Variants in FAM91A1 observed in about 807,000 individuals in gnomAD.
FAM91A1 encodes the protein protein FAM91A1.
Under a neutral mutation model 113.5 loss-of-function variants are expected in FAM91A1, and 41 were observed. The ratio of observed to expected loss-of-function variants is 0.36; its 90% CI spans 0.28 to 0.47. The LOEUF (loss-of-function observed/expected upper bound fraction) is 0.47, where lower values mean the gene tolerates loss of function less well. Ranked by LOEUF, FAM91A1 falls within the 20% of genes least tolerant of loss-of-function variation. The pLI is 1.00. For missense variants in FAM91A1, 696 were observed against 1,001.2 expected, an observed-to-expected ratio of 0.70 and a Z score of 4.11; for synonymous variants, 307 against 347.9, an observed-to-expected ratio of 0.88 and a Z score of 1.31.
rs1228886722 is a variant in FAM91A1, at chr8:123,789,746, G to A, written c.1411+1G>A. On this transcript the variant is annotated splice_donor_variant, in intron 15 of 23. Transcript: ENST00000334705. LOFTEE classifies it high-confidence loss of function. ...GCACAGCCAGACCAACCCAATTATGGTATGATAAATATATTTAATTTTGAA... is the reference window on the plus strand; with the variant it reads ...GCACAGCCAGACCAACCCAATTATGATATGATAAATATATTTAATTTTGAA... 6.2e-7 allele frequency: 1 copy of A among 1,609,662 alleles called. No homozygotes were observed. Among genetic ancestry groups the A allele is most frequent in the Non-Finnish European group, 8.5e-7 (1 of 1,178,022 alleles).
chr8:123,812,490 A>G (rs1225294651), intron 23 of FAM91A1, 29 bp from the exon 24 acceptor site: 1 of 1,543,748 alleles, frequency 6.5e-7, no homozygotes, highest in African/African-American at 1.4e-5. Flanking sequence ...AGTGTTGAAT[A>G]TCATTTCTCT....
At position 123,768,486 on chromosome 8, in the gene FAM91A1, C is replaced by G. The variant is rs572105230; in HGVS notation, c.-217C>G. 22 of 479,200 alleles carry G rather than the reference C, an allele frequency of 4.6e-5. No individual in the cohort carries two copies. The highest frequency in any genetic ancestry group is 8.2e-5 in the African/African-American group (4 of 48,540). 29.7% of individuals were successfully genotyped at this position (479,200 alleles called of 1,614,324 possible). A position where few individuals can be genotyped will look rare whatever the true frequency, so the allele number is the denominator to read the frequency against. On this transcript the variant is annotated 5_prime_UTR_variant, in exon 1 of 24. Transcript: ENST00000334705. Reference sequence around the variant, plus strand: ...AACTAGGAAGAAACTTGGAGCTGTTCAGGCGATCCAGCCTCCAATCGCTGC... The same window carrying G: ...AACTAGGAAGAAACTTGGAGCTGTTGAGGCGATCCAGCCTCCAATCGCTGC...
At chr8:123,804,490 T>TA (rs57808944) in intron 18 of FAM91A1, among the ~76,000 whole-genome samples, 3 of 73,858 alleles carry the variant, frequency 4.1e-5, no homozygotes, top group Non-Finnish European at 7.5e-5. Context: ...GACTCTGTTT[T>TA]AAAAAAAAAA....
intron 14 of FAM91A1, 136 bp from the exon 15 acceptor site, chr8:123,789,477 C>G (rs1446292884): frequency 8.1e-7 from 1 of 1,227,450 alleles, no homozygotes; most frequent in Non-Finnish European, 1.1e-6. Context: ...AGGTTAATAA[C>G]TTGTTTCGGT....
intron 5 of FAM91A1, 113 bp from the exon 6 acceptor site, chr8:123,778,546 G>T: frequency 1.5e-6 from 1 of 683,990 alleles, no homozygotes; most frequent in Non-Finnish European, 2.5e-6. Context: ...AAAACATGAA[G>T]ATTTTAAGAA....
intron 5 of FAM91A1, 54 bp from the exon 6 acceptor site, chr8:123,778,605 A>G: frequency 1.7e-6 from 2 of 1,210,372 alleles, no homozygotes; most frequent in Non-Finnish European, 2.4e-6. Flanking sequence ...GATTGATGAA[A>G]GAAGAAAGTG....
chr8:123,773,840 C>T (rs1241643721), intron 1 of FAM91A1, among the ~76,000 whole-genome samples: 13 of 152,200 alleles, frequency 8.5e-5, no homozygotes, highest in South Asian at 4.1e-4. Flanking sequence ...TTAAATACTT[C>T]GGATAATTTT....
Position 123,808,313 on chromosome 8 carries a change from A to G in FAM91A1, c.2074A>G (p.Thr692Ala), listed in dbSNP as rs370625215. ...LASGSDVNGS[T>A]ESFEMVIEEA... ...TTCTGGCTCAGATGTAAATGGGAGT[A>G]CAGAGTCATTTGAAATGGTCATTGA... Residue 692 changes from threonine to alanine, a missense_variant, in exon 21 of 24, where the codon ACA becomes GCA. Coordinates refer to ENST00000334705, the MANE Select transcript of FAM91A1 (RefSeq NM_144963.4). 1.9e-6 allele frequency: 3 copies of G among 1,613,496 alleles called. No individual in the cohort carries two copies. Among genetic ancestry groups the G allele is most frequent in the Non-Finnish European group, 1.7e-6 (2 of 1,179,690 alleles).
chr8:123,812,723 T>C lies in FAM91A1; in HGVS notation c.*19T>C, dbSNP rs377126780. The C allele has an allele frequency of 3.9e-5, 60 of 1,523,172 alleles. No homozygotes were observed. The highest frequency in any genetic ancestry group is 3.9e-5 in the Non-Finnish European group (44 of 1,139,406). 94.4% of individuals were successfully genotyped at this position (1,523,172 alleles called of 1,614,324 possible). The stretch of plus-strand genomic sequence containing the variant: ...GCAATAATTTGGTTACACCATTTGT[T>C]GCTCACACTTTCTGCCTTTTTTCTT... On this transcript the variant is annotated 3_prime_UTR_variant, in exon 24 of 24. Transcript: ENST00000334705.
Position 123,809,499 on chromosome 8 carries a change from A to G in FAM91A1, c.2261+483A>G, listed in dbSNP as rs900184023. On this transcript the variant is annotated intron_variant, in intron 22 of 23. Coordinates refer to ENST00000334705, the MANE Select transcript of FAM91A1 (RefSeq NM_144963.4). ...ATATGTATTACTCCTTAAAGATGACATGTAGGTTTTATCTTATATACCAGC... is the reference window on the plus strand; with the variant it reads ...ATATGTATTACTCCTTAAAGATGACGTGTAGGTTTTATCTTATATACCAGC... Among the ~76,000 whole-genome samples the G allele has an allele frequency of 6.6e-5, 10 of 152,202 alleles. No individual in the cohort carries two copies. In the East Asian group the frequency reaches 1.9e-3, roughly 29 times the overall value.
Position 123,789,814 on chromosome 8 carries a change from C to T in FAM91A1, c.1411+69C>T, listed in dbSNP as rs192545632. ...CTTTTTTCTAAGAAATTAAACAGAT[C>T]ATGCTCACTTATATAATCATCACTT... On this transcript the variant is annotated intron_variant, in intron 15 of 23. Coordinates refer to ENST00000334705, the MANE Select transcript of FAM91A1 (RefSeq NM_144963.4). The T allele has an allele frequency of 4.9e-5, 75 of 1,538,070 alleles. No homozygotes were observed. In the African/African-American group the frequency reaches 9.4e-4, roughly 19 times the overall value.
chr8:123,784,754 G>C, intron 9 of FAM91A1, 178 bp downstream of exon 9: 1 of 439,564 alleles, frequency 2.3e-6, no homozygotes, highest in Admixed American at 4.3e-5. Flanking sequence ...TAAAATTTAA[G>C]TTAATAATTT....
intron 2 of FAM91A1, among the ~76,000 whole-genome samples, chr8:123,774,369 G>T (rs1814929035): frequency 6.6e-6 from 1 of 152,018 alleles, no homozygotes; most frequent in Non-Finnish European, 1.5e-5. Context: ...ATTATTTTTA[G>T]AGTACTGTTT....
chr8:123,790,754 A>C lies in FAM91A1; in HGVS notation c.1411+1009A>C, dbSNP rs142177203. ...AGTTTACTTGAGTGAGGCTAGACTC[A>C]CTTGGTATCAAGTGATTCACTTCTG... On this transcript the variant is annotated intron_variant, in intron 15 of 23. Coordinates refer to ENST00000334705, the MANE Select transcript of FAM91A1 (RefSeq NM_144963.4). Among the ~76,000 whole-genome samples, 236 of 152,334 alleles carry C rather than the reference A, an allele frequency of 1.5e-3. 1 individual carries two copies. The highest frequency in any genetic ancestry group is 4.3e-3 in the African/African-American group (179 of 41,574).
Position 123,768,526 on chromosome 8 carries a change from G to A in FAM91A1, c.-177G>A, listed in dbSNP as rs1814758552. On this transcript the variant is annotated 5_prime_UTR_variant, in exon 1 of 24. Transcript: ENST00000334705. The stretch of plus-strand genomic sequence containing the variant: ...CCAATCGCTGCTGCTCTTGTACTCG[G>A]TTGGCCCGGGCGGCGCTGAACTGTC... 5.6e-6 allele frequency: 3 copies of A among 534,522 alleles called. No homozygotes were observed. The highest frequency in any genetic ancestry group is 3.9e-5 in the Admixed American group (1 of 25,884). The allele number at this position is 534,522 out of a possible 1,614,324, so 33.1% of individuals were successfully genotyped here.
intron 19 of FAM91A1, among the ~76,000 whole-genome samples, 180 bp downstream of exon 19, chr8:123,805,519 A>G (rs780645938): frequency 6.6e-5 from 10 of 152,174 alleles, no homozygotes; most frequent in Non-Finnish European, 1.5e-4. Flanking sequence ...TCCACAAAGA[A>G]CTGTTAGAAT....
At chr8:123,785,147 G>A (rs753513987) in intron 10 of FAM91A1, 28 bp downstream of exon 10, 2 of 1,555,808 alleles carry the variant, frequency 1.3e-6, no homozygotes, top group Middle Eastern at 1.7e-4. Context: ...TCATTTACTG[G>A]TGATGTGATA....
chr8:123,772,416 C>T (rs148968812), intron 1 of FAM91A1, among the ~76,000 whole-genome samples: 134 of 152,260 alleles, frequency 8.8e-4, no homozygotes, highest in African/African-American at 3.1e-3. Flanking sequence ...TATTTTGAAT[C>T]CTCTAAATAT....
intron 15 of FAM91A1, among the ~76,000 whole-genome samples, chr8:123,793,645 A>G (rs1198520611): frequency 3.9e-5 from 6 of 152,126 alleles, no homozygotes; most frequent in Admixed American, 3.3e-4. Flanking sequence ...TGGCCAAGCA[A>G]TAGCATCTTA....
Sources: gnomAD v4.1 joint callset for allele counts (sites outside exome capture counted in the v4.1 genomes callset) on GRCh38, gnomAD v4.1.1 for gene constraint, MANE v1.5 for transcripts, NCBI Gene and HGNC (gene_info 2026-07-23, HGNC 2026-07-21) for gene names.